RASAL2: variants seen among roughly 807,000 people sequenced by gnomAD.
The protein encoded by RASAL2 is ras GTPase-activating protein nGAP.
RASAL2 carries 58 observed loss-of-function variants against 128.9 expected under a neutral mutation model. That is an observed-to-expected ratio of 0.45 (90% CI 0.36 to 0.56). The LOEUF (loss-of-function observed/expected upper bound fraction) is 0.56. Among genes scored for constraint, RASAL2 ranks in the 20% least tolerant of loss-of-function variants. The pLI is 0.00. For missense variants in RASAL2, 1,360 were observed against 1,601.6 expected (o/e 0.85, Z 2.57); for synonymous variants, 561 against 580.8 (o/e 0.97, Z 0.49).
At chr1:178,140,922 G>A (rs553194694) in intron 1 of RASAL2, among the ~76,000 whole-genome samples, 1 of 152,212 alleles carries the variant, frequency 6.6e-6, no homozygotes, top group Non-Finnish European at 1.5e-5. Flanking sequence ...GGCTATGCAA[G>A]CATGGCACTG....
chr1:178,334,883 G>A (rs187456327), intron 3 of RASAL2, among the ~76,000 whole-genome samples: 17 of 152,008 alleles, frequency 1.1e-4, no homozygotes, highest in Admixed American at 3.3e-4. Flanking sequence ...GCTTGAACCC[G>A]GGAGGGAGAG....
At chr1:178,203,168 C>T (rs887921630) in intron 1 of RASAL2, among the ~76,000 whole-genome samples, 1 of 152,108 alleles carries the variant, frequency 6.6e-6, no homozygotes, top group African/African-American at 2.4e-5. Context: ...CCAAGACTAC[C>T]ATATGTGGAC....
chr1:178,334,947 C>T (rs775796246), intron 3 of RASAL2, among the ~76,000 whole-genome samples: 5 of 151,642 alleles, frequency 3.3e-5, no homozygotes, highest in Non-Finnish European at 5.9e-5. Flanking sequence ...CAGAGTGAGA[C>T]TCTGTCTAAA....
intron 4 of RASAL2, chr1:178,412,061 GAA>G (rs369185850): frequency 2.0e-3 from 509 of 250,702 alleles, no homozygotes; most frequent in South Asian, 4.7e-3. Context: ...GCCATCATGT[GAA>G]AAAAAAAAAA....
At chr1:178,456,588 C>T in intron 12 of RASAL2, 133 bp from the exon 13 acceptor site, 1 of 908,690 alleles carries the variant, frequency 1.1e-6, no homozygotes, top group South Asian at 1.4e-5. Flanking sequence ...GAACCTGCCA[C>T]TCCCATATGC....
chr1:178,365,839 C>T (rs998821387), intron 3 of RASAL2, among the ~76,000 whole-genome samples: 3 of 151,982 alleles, frequency 2.0e-5, no homozygotes, highest in African/African-American at 7.3e-5. Flanking sequence ...ATTGAATGTC[C>T]GTAAGTTCAA....
Position 178,466,126 on chromosome 1 carries a change from A to G in RASAL2, c.3590+4A>G, listed in dbSNP as rs758385734. On this transcript the variant is annotated splice_donor_region_variant and intron_variant, in intron 16 of 17. Coordinates refer to ENST00000367649, the MANE Select transcript of RASAL2 (RefSeq NM_170692.4). ...AGATGAAAAGCATCATCAGCAGGTT[A>G]GACATCACCTGGCAGCAGATGTGGG... is the stretch of plus-strand genomic sequence containing the variant. 1 of 1,547,458 alleles carries G rather than the reference A, an allele frequency of 6.5e-7. No individual in the cohort carries two copies. Among genetic ancestry groups the G allele is most frequent in the Non-Finnish European group, 8.7e-7 (1 of 1,146,336 alleles).
chr1:178,442,594 T>C, intron 7 of RASAL2, 81 bp from the exon 8 acceptor site: 1 of 1,234,212 alleles, frequency 8.1e-7, no homozygotes, highest in Non-Finnish European at 1.1e-6. Flanking sequence ...GAGTACCTAA[T>C]GAACATTGCC....
chr1:178,293,140 T>C (rs142737767), intron 2 of RASAL2, among the ~76,000 whole-genome samples: 60 of 152,192 alleles, frequency 3.9e-4, no homozygotes, highest in African/African-American at 1.3e-3. Context: ...GTGTTAGGAG[T>C]TACAAAGCAC....
chr1:178,118,427 A>G lies in RASAL2; in HGVS notation c.202+23733A>G, dbSNP rs963981393. Among the ~76,000 whole-genome samples the G allele has an allele frequency of 2.6e-5, 4 of 152,194 alleles. No homozygotes were observed. The East Asian group carries it at 5.8e-4, about 22-fold the overall frequency. On this transcript the variant is annotated intron_variant, in intron 1 of 17. Transcript: ENST00000367649. ...GCCCTGAGCTCGTTGTCGTGCAACTAGATGGTCTCATCTGGGGGTGATGGG... is the reference window on the plus strand; with the variant it reads ...GCCCTGAGCTCGTTGTCGTGCAACTGGATGGTCTCATCTGGGGGTGATGGG...
intron 5 of RASAL2, among the ~76,000 whole-genome samples, chr1:178,429,466 A>G (rs1269543943): frequency 6.6e-6 from 1 of 152,100 alleles, no homozygotes; most frequent in Non-Finnish European, 1.5e-5. Flanking sequence ...ACCACTTTTT[A>G]TAGTCTTGAC....
Position 178,274,529 on chromosome 1 carries a change from T to C in RASAL2, c.203-9035T>C, listed in dbSNP as rs536643127. On this transcript the variant is annotated intron_variant, in intron 1 of 17. Coordinates refer to ENST00000367649, the MANE Select transcript of RASAL2 (RefSeq NM_170692.4). ...GAAAATGATCTTGAGTTTTTATCGC[T>C]TAGTAATATAATACTATGGTCATAT... 3.9e-5 allele frequency among the ~76,000 whole-genome samples: 6 copies of C among 152,326 alleles called. No homozygotes were observed. The South Asian group carries it at 1.2e-3, about 32-fold the overall frequency.
intron 5 of RASAL2, among the ~76,000 whole-genome samples, chr1:178,428,748 C>G (rs1352417563): frequency 6.6e-6 from 1 of 151,974 alleles, no homozygotes; most frequent in Non-Finnish European, 1.5e-5. Context: ...AGCTGTGGCA[C>G]CAGGCCCAGT....
intron 1 of RASAL2, among the ~76,000 whole-genome samples, chr1:178,180,064 A>G (rs1662034144): frequency 6.6e-6 from 1 of 152,196 alleles, no homozygotes; most frequent in Non-Finnish European, 1.5e-5. Flanking sequence ...TGAAATACTT[A>G]TTAATCTGGA....
At chr1:178,354,781 A>G (rs1447247832) in intron 3 of RASAL2, among the ~76,000 whole-genome samples, 1 of 152,222 alleles carries the variant, frequency 6.6e-6, no homozygotes, top group Non-Finnish European at 1.5e-5. Context: ...AAAGTAAACT[A>G]TAAAGCTTTA....
At position 178,111,552 on chromosome 1, in the gene RASAL2, GTGTA is replaced by G. The variant is rs1409222963; in HGVS notation, c.202+16863_202+16866del. ...CCATTTCCATGTTTTCCTACCAGCA[GTGTA>G]TGTAAGTTCCATTTCCACATCCTCA... On this transcript the variant is annotated intron_variant, in intron 1 of 17. Transcript: ENST00000367649. Among the ~76,000 whole-genome samples the G allele has an allele frequency of 3.3e-5, 5 of 152,226 alleles. No individual in the cohort carries two copies. The East Asian group carries it at 7.7e-4, about 24-fold the overall frequency.
At chr1:178,456,970 C>A (rs1677821630) in intron 13 of RASAL2, 71 bp downstream of exon 13, 1 of 1,476,426 alleles carries the variant, frequency 6.8e-7, no homozygotes, top group Non-Finnish European at 9.2e-7. Flanking sequence ...GTATATTCAA[C>A]CTATTTGTTG....
chr1:178,456,616 T>C (rs1677791370), intron 12 of RASAL2, 105 bp from the exon 13 acceptor site: 1 of 1,234,402 alleles, frequency 8.1e-7, no homozygotes, highest in Admixed American at 1.7e-5. Context: ...TACCCTTCCC[T>C]CCAACCTACA....
intron 3 of RASAL2, among the ~76,000 whole-genome samples, chr1:178,301,489 A>G (rs974588735): frequency 2.6e-5 from 4 of 151,544 alleles, no homozygotes; most frequent in African/African-American, 7.3e-5. Flanking sequence ...CTGGAGTGCA[A>G]TGGCGTGATC....
Sources: allele counts gnomAD v4.1 joint callset (sites outside exome capture counted in the v4.1 genomes callset), GRCh38; gene constraint gnomAD v4.1.1; transcripts MANE v1.5; gene names NCBI Gene and HGNC (gene_info 2026-07-23, HGNC 2026-07-21).